DGKD: variants seen among roughly 807,000 people sequenced by gnomAD.
The protein encoded by DGKD is diacylglycerol kinase delta, also known as DAG kinase delta.
A neutral mutation model predicts 154.4 loss-of-function variants in DGKD; 68 were observed. That is an observed-to-expected ratio of 0.44 (90% CI 0.36 to 0.54). The LOEUF is 0.54. DGKD is among the 20% of genes least tolerant of loss of function. The probability of loss-of-function intolerance (pLI) is 0.00; values close to 1 mark genes in which losing one functional copy is unlikely to be tolerated. For missense variants in DGKD, 1,343 were observed against 1,593.6 expected, an observed-to-expected ratio of 0.84 and a Z score of 2.68; for synonymous variants, 693 against 638.0, an observed-to-expected ratio of 1.09 and a Z score of -1.30.
intron 17 of DGKD, among the ~76,000 whole-genome samples, chr2:233,451,361 G>A (rs56266844): frequency 0.11 from 16,967 of 152,064 alleles, 1,083 homozygotes; most frequent in African/African-American, 0.16. Flanking sequence ...GGAGGTGGCC[G>A]GCCTGATGAG....
At chr2:233,359,646 C>G (rs753337125) in intron 1 of DGKD, among the ~76,000 whole-genome samples, 17 of 151,876 alleles carry the variant, frequency 1.1e-4, no homozygotes, top group Non-Finnish European at 2.4e-4. Flanking sequence ...TTAAAGAAAT[C>G]GTTAATTTAT....
chr2:233,429,385 G>C (rs1179244368), intron 3 of DGKD: 2 of 943,588 alleles, frequency 2.1e-6, no homozygotes, highest in African/African-American at 3.6e-5. Context: ...AACAGTTCGG[G>C]ACGTGTGCTC....
intron 12 of DGKD, chr2:233,447,691 G>A (rs1575141259): frequency 9.3e-7 from 1 of 1,073,618 alleles, no homozygotes; most frequent in Non-Finnish European, 1.1e-6. Context: ...GCAGGAGTGT[G>A]TGTCCAGATG....
In DGKD at chr2:233,469,407, A is replaced by T; in HGVS notation, c.3592A>T (p.Ile1198Phe). Residue 1198 changes from isoleucine (I) to phenylalanine (F), a missense_variant, in exon 30 of 30, where the codon ATC (isoleucine) becomes TTC (phenylalanine). Physicochemically the swap from Ile to Phe is conservative, Grantham distance 21. Transcript: ENST00000264057. ...GVTKVGHMKR[I>F]LCGIKELSRS... ...GACCAAGGTGGGCCACATGAAGAGG[A>T]TCCTGTGTGGCATCAAGGAGCTGAG... 1 of 1,611,828 alleles carries T rather than the reference A, an allele frequency of 6.2e-7. No individual in the cohort carries two copies. Among genetic ancestry groups the T allele is most frequent in the Non-Finnish European group, 8.5e-7 (1 of 1,179,260 alleles).
At chr2:233,355,341 G>A (rs1701488773) in intron 1 of DGKD, among the ~76,000 whole-genome samples, 1 of 152,234 alleles carries the variant, frequency 6.6e-6, no homozygotes, top group Admixed American at 6.5e-5. Context: ...CGTCCTTTTT[G>A]CAGGAGGAAA....
At chr2:233,395,949 C>T (rs1024922816) in intron 3 of DGKD, among the ~76,000 whole-genome samples, 6 of 152,142 alleles carry the variant, frequency 3.9e-5, no homozygotes, top group South Asian at 2.1e-4. Flanking sequence ...ACATGCTACT[C>T]AATGCTTTGT....
chr2:233,465,362 C>T (rs958866159), intron 27 of DGKD, among the ~76,000 whole-genome samples: 10 of 152,050 alleles, frequency 6.6e-5, no homozygotes, highest in Non-Finnish European at 1.3e-4. Flanking sequence ...AGGACATGGA[C>T]GGGGGGAGGA....
intron 10 of DGKD, among the ~76,000 whole-genome samples, chr2:233,444,172 C>A (rs981285516): frequency 6.6e-6 from 1 of 152,150 alleles, no homozygotes. Context: ...GTTCAGCCCC[C>A]ACCCTGCGTT....
At chr2:233,409,786 CG>C (rs1429154033) in intron 3 of DGKD, among the ~76,000 whole-genome samples, 1 of 118,638 alleles carries the variant, frequency 8.4e-6, no homozygotes, top group African/African-American at 3.2e-5. Flanking sequence ...CCCCCCATAC[CG>C]TTTTTTTTTT....
At chr2:233,383,044 C>CTT (rs1295590779) in intron 1 of DGKD, among the ~76,000 whole-genome samples, 5 of 141,560 alleles carry the variant, frequency 3.5e-5, no homozygotes, top group African/African-American at 5.2e-5. Flanking sequence ...TTCTTTCTTT[C>CTT]TTTTTTTTTT....
chr2:233,359,738 T>C (rs185768458), intron 1 of DGKD, among the ~76,000 whole-genome samples: 99 of 152,370 alleles, frequency 6.5e-4, no homozygotes, highest in Non-Finnish European at 1.2e-3. Flanking sequence ...ATTTGAGATC[T>C]TAACATTGTT....
chr2:233,401,549 GGAAA>G (rs2061557851), intron 3 of DGKD, among the ~76,000 whole-genome samples: 1 of 152,106 alleles, frequency 6.6e-6, no homozygotes, highest in Non-Finnish European at 1.5e-5. Context: ...ACCTTAGAGA[GGAAA>G]GACAAGTTTT....
intron 1 of DGKD, among the ~76,000 whole-genome samples, chr2:233,367,539 CTT>C (rs958068921): frequency 6.6e-5 from 10 of 151,866 alleles, no homozygotes; most frequent in African/African-American, 1.7e-4. Context: ...GTATTAATGA[CTT>C]TTAATGGCAA....
At chr2:233,424,098 A>G (rs1295262775) in intron 3 of DGKD, among the ~76,000 whole-genome samples, 1 of 151,928 alleles carries the variant, frequency 6.6e-6, no homozygotes, top group Non-Finnish European at 1.5e-5. Context: ...TTGTGCCTCT[A>G]CCCATCCCTG....
chr2:233,461,286 C>T (rs1217157265), intron 24 of DGKD, among the ~76,000 whole-genome samples: 4 of 152,236 alleles, frequency 2.6e-5, no homozygotes, highest in Non-Finnish European at 4.4e-5. Flanking sequence ...CCCTGGGCTC[C>T]TTCTTCTCCT....
intron 3 of DGKD, among the ~76,000 whole-genome samples, chr2:233,432,071 A>G (rs1187617347): frequency 6.6e-6 from 1 of 152,264 alleles, no homozygotes; most frequent in African/African-American, 2.4e-5. Context: ...CAACAAAGTG[A>G]GGAGACAGCC....
rs777495691 is a variant in DGKD at position 233,460,336 on chromosome 2, T to C, written c.2972T>C (p.Leu991Pro). ...MDQFGQAAGV[L>P]IHSIREIAQS... is the part of the protein sequence containing the mutation. ...CAGTTTGGGCAGGCAGCAGGGGTCC[T>C]CATTCACAGGTGGGCTCCTACCCCT... Residue 991 changes from leucine (L) to proline (P), a missense_variant, in exon 24 of 30, where the codon CTC (leucine) becomes CCC (proline). Transcript: ENST00000264057. The C allele has an allele frequency of 6.2e-7, 1 of 1,613,994 alleles. No individual in the cohort carries two copies. The highest frequency in any genetic ancestry group is 8.5e-7 in the Non-Finnish European group (1 of 1,179,976).
intron 11 of DGKD, among the ~76,000 whole-genome samples, 158 bp from the exon 12 acceptor site, chr2:233,446,554 C>T (rs2124835216): frequency 6.6e-6 from 1 of 152,262 alleles, no homozygotes; most frequent in East Asian, 1.9e-4. Context: ...CATTTGTTCT[C>T]AGCCAAGTTA....
chr2:233,412,728 T>C (rs1575069697), intron 3 of DGKD, among the ~76,000 whole-genome samples: 1 of 152,228 alleles, frequency 6.6e-6, no homozygotes, highest in East Asian at 1.9e-4. Context: ...AGCTGTAGGC[T>C]TTTTGTAGGT....
Sources: allele counts gnomAD v4.1 joint callset (sites outside exome capture counted in the v4.1 genomes callset), GRCh38; gene constraint gnomAD v4.1.1; transcripts MANE v1.5; gene names NCBI Gene and HGNC (gene_info 2026-07-23, HGNC 2026-07-21).